The following COL19A1 variants were observed in gnomAD, a reference collection of about 807,000 sequenced individuals.
COL19A1 encodes the protein collagen type XIX alpha 1 chain.
In COL19A1, 159 loss-of-function variants were observed where a neutral mutation model predicts 190.2. The ratio of observed to expected loss-of-function variants is 0.84; its 90% CI spans 0.73 to 0.95. COL19A1 has a LOEUF of 0.95. Ranked by LOEUF, COL19A1 falls within the 40% of genes least tolerant of loss-of-function variation. The pLI is 0.00. For synonymous variants in COL19A1, 509 were observed against 458.9 expected (o/e 1.11, Z -1.39); for missense variants, 1,418 against 1,431.9 (o/e 0.99, Z 0.16).
intron 11 of COL19A1, among the ~76,000 whole-genome samples, chr6:69,968,580 G>T (rs1465556332): frequency 1.3e-5 from 2 of 152,104 alleles, no homozygotes; most frequent in Non-Finnish European, 2.9e-5. Flanking sequence ...TGAAATTATA[G>T]TAACTCAGAA....
chr6:70,025,688 C>T (rs1244923223), intron 12 of COL19A1, among the ~76,000 whole-genome samples: 1 of 152,182 alleles, frequency 6.6e-6, no homozygotes, highest in Non-Finnish European at 1.5e-5. Flanking sequence ...AAGCAAAGAC[C>T]ATGTGTTGGA....
At chr6:70,205,377 A>G (rs566365439) in intron 49 of COL19A1, among the ~76,000 whole-genome samples, 3 of 152,342 alleles carry the variant, frequency 2.0e-5, no homozygotes, top group Admixed American at 2.0e-4. Flanking sequence ...ATGGGAAATA[A>G]TTGATCATAC....
chr6:70,095,437 G>A (rs954919830), intron 15 of COL19A1, among the ~76,000 whole-genome samples: 6 of 152,064 alleles, frequency 3.9e-5, no homozygotes, highest in African/African-American at 1.4e-4. Context: ...TTGGAGAGAG[G>A]GTAGTAGAAG....
At chr6:69,953,275 G>T (rs938413819) in intron 9 of COL19A1, among the ~76,000 whole-genome samples, 1 of 151,828 alleles carries the variant, frequency 6.6e-6, no homozygotes, top group African/African-American at 2.4e-5. Flanking sequence ...GTGTAATTTA[G>T]AAAATTCTCT....
intron 9 of COL19A1, among the ~76,000 whole-genome samples, chr6:69,952,945 C>G (rs928325339): frequency 1.2e-4 from 18 of 151,996 alleles, no homozygotes; most frequent in African/African-American, 4.3e-4. Context: ...TTCAGAGACT[C>G]AGAAACTTAT....
chr6:69,933,126 A>C (rs2273428), intron 7 of COL19A1, among the ~76,000 whole-genome samples: 1 of 151,880 alleles, frequency 6.6e-6, no homozygotes, highest in African/African-American at 2.4e-5. Flanking sequence ...CTTTCTTCCT[A>C]AACTATGTTC....
chr6:69,932,293 A>T (rs1282237554), intron 6 of COL19A1, among the ~76,000 whole-genome samples: 1 of 152,020 alleles, frequency 6.6e-6, no homozygotes, highest in Non-Finnish European at 1.5e-5. Flanking sequence ...AATTCGTGAA[A>T]TATAGATAAA....
intron 37 of COL19A1, among the ~76,000 whole-genome samples, chr6:70,166,936 T>C (rs1038921750): frequency 6.6e-6 from 1 of 152,236 alleles, no homozygotes; most frequent in Admixed American, 6.5e-5. Context: ...AATTTTATAA[T>C]GCACTTAAGA....
intron 14 of COL19A1, among the ~76,000 whole-genome samples, chr6:70,065,707 T>C (rs916158521): frequency 8.6e-5 from 13 of 152,018 alleles, no homozygotes; most frequent in Non-Finnish European, 5.9e-5. Flanking sequence ...GCAGTCTACT[T>C]ATCTGACAAA....
chr6:70,029,435 T>A (rs1199113174), intron 12 of COL19A1, among the ~76,000 whole-genome samples: 1 of 152,146 alleles, frequency 6.6e-6, no homozygotes, highest in African/African-American at 2.4e-5. Flanking sequence ...CTTTTGGGAA[T>A]CTTTATGTAC....
chr6:70,121,843 T>A (rs77242436), intron 16 of COL19A1, 37 bp from the exon 17 acceptor site: 1 of 1,257,022 alleles, frequency 8.0e-7, no homozygotes, highest in South Asian at 1.4e-5. Context: ...TTTTGGTAAA[T>A]GTGTATATAT....
intron 37 of COL19A1, among the ~76,000 whole-genome samples, chr6:70,167,568 T>C (rs915262913): frequency 3.3e-5 from 5 of 152,200 alleles, no homozygotes; most frequent in Non-Finnish European, 5.9e-5. Context: ...TTCTATTTGG[T>C]ATGAAAAGAC....
intron 6 of COL19A1, among the ~76,000 whole-genome samples, 198 bp downstream of exon 6, chr6:69,929,898 C>G (rs1772643819): frequency 6.6e-6 from 1 of 152,084 alleles, no homozygotes; most frequent in Non-Finnish European, 1.5e-5. Context: ...TATTTTCACT[C>G]CATTTTATAC....
In COL19A1 at chr6:70,122,713, G is replaced by A. The variant is rs77782126; in HGVS notation, c.1341+771G>A. Among the ~76,000 whole-genome samples, 546 of 152,160 alleles carry A rather than the reference G, an allele frequency of 3.6e-3. 5 individuals are homozygous for A. The highest frequency in any genetic ancestry group is 0.02 in the Middle Eastern group (6 of 294). ...TTCCCTTTATGTCTTTCTTTTCCAT[G>A]TTCTTACTTTCCCTTCCTGTAATTT... On this transcript the variant is annotated intron_variant, in intron 17 of 50. Coordinates refer to ENST00000620364, the MANE Select transcript of COL19A1 (RefSeq NM_001858.6).
intron 18 of COL19A1, among the ~76,000 whole-genome samples, chr6:70,135,663 C>A (rs550094912): frequency 9.6e-4 from 146 of 152,256 alleles, no homozygotes; most frequent in Admixed American, 2.9e-3. Flanking sequence ...AGCAAAGAGA[C>A]CGGAATTGGG....
At chr6:70,122,929 T>G (rs1464704172) in intron 17 of COL19A1, among the ~76,000 whole-genome samples, 1 of 152,220 alleles carries the variant, frequency 6.6e-6, no homozygotes, top group African/African-American at 2.4e-5. Context: ...CTTTATAAAT[T>G]TGATAGTGAT....
intron 15 of COL19A1, 60 bp from the exon 16 acceptor site, chr6:70,102,108 GT>G (rs1783667258): frequency 1.6e-6 from 2 of 1,261,456 alleles, no homozygotes; most frequent in South Asian, 2.4e-5. Context: ...ATTTAATATT[GT>G]TTGATATTAA....
chr6:70,114,753 T>C (rs964667178), intron 16 of COL19A1, among the ~76,000 whole-genome samples: 1 of 152,176 alleles, frequency 6.6e-6, no homozygotes, highest in Non-Finnish European at 1.5e-5. Context: ...AAAGTCTTTA[T>C]AGAGAAACTT....
intron 16 of COL19A1, among the ~76,000 whole-genome samples, chr6:70,110,645 G>T (rs1465138885): frequency 6.6e-6 from 1 of 152,058 alleles, no homozygotes; most frequent in African/African-American, 2.4e-5. Context: ...AGGCAGCTGG[G>T]GATATCAGGT....
Sources: allele counts gnomAD v4.1 joint callset (sites outside exome capture counted in the v4.1 genomes callset), GRCh38; gene constraint gnomAD v4.1.1; transcripts MANE v1.5; gene names NCBI Gene and HGNC (gene_info 2026-07-23, HGNC 2026-07-21).